The following XPC variants were observed in gnomAD, a reference collection of about 807,000 sequenced individuals.
XPC encodes XPC complex subunit, DNA damage recognition and repair factor, also known as DNA repair protein complementing XP-C cells.
XPC carries 76 observed loss-of-function variants against 95.8 expected under a neutral mutation model. The ratio of observed to expected loss-of-function variants is 0.79; its 90% confidence interval spans 0.66 to 0.96. The LOEUF (loss-of-function observed/expected upper bound fraction) is 0.96. Among genes scored for constraint, XPC ranks in the 40% least tolerant of loss-of-function variants. The pLI is 0.00. For synonymous variants in XPC, 442 were observed against 442.1 expected (o/e 1.00, Z 0.00); for missense variants, 1,146 against 1,179.8 (o/e 0.97, Z 0.42).
In XPC at chr3:14,158,848, G is replaced by A; in HGVS notation, c.1035C>T (p.Gly345=). Residue 345 remains glycine (G), a synonymous_variant, in exon 9 of 16, where the codon GGC becomes GGT. Coordinates refer to ENST00000285021, the MANE Select transcript of XPC (RefSeq NM_004628.5). The surrounding 1 kb of genome is among the most constrained non-coding windows in gnomAD (Gnocchi z 5.2). Reference sequence around the variant, plus strand: ...GAACTTGGCTGGAAGTTTCTGAGGAGCCTCCTGGATCCGCAGTCAATCTTT... The same window carrying A: ...GAACTTGGCTGGAAGTTTCTGAGGAACCTCCTGGATCCGCAGTCAATCTTT... ...SKERLTADPG[G]SSETSSQVLE... 2.5e-6 allele frequency: 4 copies of A among 1,613,964 alleles called. No homozygotes were observed. Among genetic ancestry groups the A allele is most frequent in the Middle Eastern group, 3.3e-4 (2 of 6,058 alleles).
chr3:14,171,176 T>A (rs1262156664), intron 2 of XPC, among the ~76,000 whole-genome samples: 1 of 152,212 alleles, frequency 6.6e-6, no homozygotes, highest in Non-Finnish European at 1.5e-5. Context: ...TTTCTGCAAA[T>A]TCATATATAA....
chr3:14,170,577 T>G, intron 2 of XPC, 27 bp from the exon 3 acceptor site: 1 of 1,544,384 alleles, frequency 6.5e-7, no homozygotes. Context: ...GGAAGGAAGA[T>G]GAAGAAGACT....
intron 1 of XPC, among the ~76,000 whole-genome samples, chr3:14,176,786 G>A (rs753922478): frequency 6.6e-6 from 1 of 152,144 alleles, no homozygotes; most frequent in Non-Finnish European, 1.5e-5. Context: ...TCCTTCTACA[G>A]CCTGCATTTT....
intron 9 of XPC, among the ~76,000 whole-genome samples, chr3:14,157,059 C>T (rs1390652626): frequency 6.6e-6 from 1 of 152,204 alleles, no homozygotes; most frequent in Non-Finnish European, 1.5e-5. Flanking sequence ...TTCAAAAACC[C>T]CAACAGACTA....
rs531251219 is a variant in XPC at position 14,165,513 on chromosome 3, T to C, written c.694A>G (p.Ile232Val). Reference sequence around the variant, plus strand: ...CGGGCTGGGATGATGGACAGGCCAATAGCATGCAGATCTGGCTGGCTGCAG... The same window carrying C: ...CGGGCTGGGATGATGGACAGGCCAACAGCATGCAGATCTGGCTGGCTGCAG... ...NICSQPDLHA[I>V]GLSIIPARFT... The change falls in exon 6 of 16, where the codon ATT (isoleucine) becomes GTT (valine). Residue 232 changes from isoleucine (I) to valine (V), a missense_variant. Physicochemically the swap from Ile to Val is conservative, Grantham distance 29. Transcript: ENST00000285021. The C allele has an allele frequency of 1.9e-5, 31 of 1,611,090 alleles. No homozygotes were observed. In the Middle Eastern group the frequency reaches 5.0e-4, roughly 26 times the overall value.
At position 14,145,428 on chromosome 3, in the gene XPC, C is replaced by A; in HGVS notation, c.*513G>T. 1 of 697,198 alleles carries A rather than the reference C, an allele frequency of 1.4e-6. No individual in the cohort carries two copies. 43.2% of individuals were successfully genotyped at this position (697,198 alleles called of 1,614,324 possible). A position where few individuals can be genotyped will look rare whatever the true frequency, so the allele number is the denominator to read the frequency against. On this transcript the variant is annotated 3_prime_UTR_variant, in exon 16 of 16. Transcript: ENST00000285021. ...CCCTACTGCAAAGAGGCAGTGAGGG[C>A]AGCATTAGTAAGCCTGACTCAGGGG...
At chr3:14,177,315 A>C (rs1377543737) in intron 1 of XPC, among the ~76,000 whole-genome samples, 2 of 152,182 alleles carry the variant, frequency 1.3e-5, no homozygotes, top group Non-Finnish European at 2.9e-5. Context: ...GGTTACATGG[A>C]AACACTAGGC....
Position 14,148,590 on chromosome 3 carries a change from C to A in XPC, c.2392G>T (p.Asp798Tyr). Residue 798 changes from aspartate to tyrosine, a missense_variant, in exon 13 of 16, where the codon GAT becomes TAT. Transcript: ENST00000285021. Reference protein sequence around the residue: ...IDCVQAITGFDFHGGYSHPVT... With the variant: ...IDCVQAITGFYFHGGYSHPVT... ...GGATGGGAGTAGCCGCCATGGAAAT[C>A]AAAGCCAGTGATGGCCTGGACACAG... 2 of 1,613,976 alleles carry A rather than the reference C, an allele frequency of 1.2e-6. No homozygotes were observed. Among genetic ancestry groups the A allele is most frequent in the South Asian group, 1.1e-5 (1 of 91,070 alleles).
At position 14,148,550 on chromosome 3, in the gene XPC, C is replaced by A. The variant is rs777385996; in HGVS notation, c.2420+12G>T. ...CCCTGTGTTTAGCCTCCATCGAAGG[C>A]CCCTCACGCACACGGGATGGGAGTA... On this transcript the variant is annotated intron_variant, in intron 13 of 15. Transcript: ENST00000285021. 3.7e-6 allele frequency: 6 copies of A among 1,612,762 alleles called. No individual in the cohort carries two copies. Among genetic ancestry groups the A allele is most frequent in the Admixed American group, 1.7e-5 (1 of 59,952 alleles).
intron 11 of XPC, among the ~76,000 whole-genome samples, chr3:14,150,638 G>C (rs1378959885): frequency 1.3e-5 from 2 of 152,232 alleles, no homozygotes; most frequent in Admixed American, 6.5e-5. Context: ...TAGGAGCTCA[G>C]GCTCCTGCAG....
At chr3:14,155,775 GT>G (rs1484239643) in intron 10 of XPC, among the ~76,000 whole-genome samples, 5 of 152,158 alleles carry the variant, frequency 3.3e-5, no homozygotes, top group African/African-American at 1.2e-4. Flanking sequence ...AGCCAGGATG[GT>G]CTCGATCTCC....
At chr3:14,165,051 T>C in intron 6 of XPC, 118 bp from the exon 7 acceptor site, 5 of 1,417,958 alleles carry the variant, frequency 3.5e-6, no homozygotes, top group Non-Finnish European at 4.7e-6. Context: ...TCTGTCCTAC[T>C]TTCCCCAGCC....
chr3:14,148,154 G>C (rs1283318329), intron 13 of XPC, 153 bp from the exon 14 acceptor site: 10 of 665,032 alleles, frequency 1.5e-5, no homozygotes, highest in Non-Finnish European at 2.3e-5. Context: ...CCTCCGTGCA[G>C]AAGGCAGGCC....
Position 14,173,128 on chromosome 3 carries a change from G to T in XPC, c.104-66C>A. ...AAGGTGGAGGCAGTGCAGCTTATGG[G>T]CAGGGGCATAAAACGGCTCTATGAC... On this transcript the variant is annotated intron_variant, in intron 1 of 15. Transcript: ENST00000285021. The T allele has an allele frequency of 2.8e-6, 4 of 1,431,692 alleles. No individual in the cohort carries two copies. In the East Asian group the frequency reaches 1.0e-4, roughly 36 times the overall value. The allele number at this position is 1,431,692 out of a possible 1,614,324, so 88.7% of individuals were successfully genotyped here.
At chr3:14,153,057 A>G (rs1695761106) in intron 10 of XPC, 1 of 152,250 alleles carries the variant, frequency 6.6e-6, no homozygotes, top group South Asian at 2.1e-4. Context: ...TCCCTTGCCA[A>G]GCCATTTTTA....
chr3:14,172,641 T>C (rs769222999), intron 2 of XPC, among the ~76,000 whole-genome samples: 74 of 152,198 alleles, frequency 4.9e-4, no homozygotes, highest in Admixed American at 5.9e-4. Flanking sequence ...TCTCCTGCTT[T>C]TGCCACTGTC....
intron 7 of XPC, among the ~76,000 whole-genome samples, chr3:14,160,320 T>C (rs1363796073): frequency 2.0e-5 from 3 of 152,216 alleles, no homozygotes. Flanking sequence ...GTCTGTTCCC[T>C]GTTTTCCAAT....
At position 14,173,074 on chromosome 3, in the gene XPC, C is replaced by T; in HGVS notation, c.104-12G>A. 1.3e-6 allele frequency: 2 copies of T among 1,548,828 alleles called. No homozygotes were observed. Among genetic ancestry groups the T allele is most frequent in the South Asian group, 2.5e-5 (2 of 80,518 alleles). On this transcript the variant is annotated splice_polypyrimidine_tract_variant and intron_variant, in intron 1 of 15. Transcript: ENST00000285021. ...ATCTTCAAAGGCATCTAGGTGACAA[C>T]ACAGAACATAAGGTGAGGGGTGGAA...
intron 1 of XPC, 118 bp from the exon 2 acceptor site, chr3:14,173,180 T>G: frequency 1.0e-6 from 1 of 973,962 alleles, no homozygotes; most frequent in Non-Finnish European, 1.4e-6. Context: ...TCTCCATCAC[T>G]GGTTCACCAT....
Sources: gnomAD v4.1 joint callset for allele counts (sites outside exome capture counted in the v4.1 genomes callset) on GRCh38, gnomAD v4.1.1 for gene constraint, Gnocchi (gnomAD v3.1) non-coding constraint, MANE v1.5 for transcripts, NCBI Gene and HGNC (gene_info 2026-07-23, HGNC 2026-07-21) for gene names.